PTPRC: variants seen among roughly 807,000 people sequenced by gnomAD.
PTPRC encodes protein tyrosine phosphatase receptor type C, also known as receptor-type tyrosine-protein phosphatase C.
A neutral mutation model predicts 155.9 loss-of-function variants in PTPRC; 44 were observed. That is an observed-to-expected ratio of 0.28 (90% confidence interval 0.22 to 0.36). PTPRC has a LOEUF of 0.36. Ranked by LOEUF, PTPRC falls within the 10% of genes least tolerant of loss-of-function variation. The pLI is 1.00. For synonymous variants in PTPRC, 525 were observed against 533.1 expected, an observed-to-expected ratio of 0.98 and a Z score of 0.21; for missense variants, 1,401 against 1,564.6, an observed-to-expected ratio of 0.90 and a Z score of 1.76.
chr1:198,754,461 C>T (rs1026456901), intron 32 of PTPRC, 57 bp downstream of exon 32: 15 of 1,587,760 alleles, frequency 9.4e-6, no homozygotes, highest in Admixed American at 3.4e-5. Context: ...TTCTTTTTGA[C>T]GGTTTCCTTT....
At chr1:198,648,031 A>T (rs896702531) in intron 2 of PTPRC, among the ~76,000 whole-genome samples, 3 of 151,906 alleles carry the variant, frequency 2.0e-5, no homozygotes, top group Admixed American at 6.6e-5. Context: ...ATCTATATAT[A>T]ACATATTAAG....
At chr1:198,639,432 G>T in intron 2 of PTPRC, 91 bp downstream of exon 2, 1 of 1,020,036 alleles carries the variant, frequency 9.8e-7, no homozygotes, top group Non-Finnish European at 1.5e-6. Flanking sequence ...AAATGTGTTG[G>T]TAACTGGAAG....
chr1:198,676,169 T>C (rs1481353409), intron 2 of PTPRC, among the ~76,000 whole-genome samples: 7 of 152,246 alleles, frequency 4.6e-5, no homozygotes, highest in Non-Finnish European at 1.0e-4. Context: ...ATTAATGCGC[T>C]GTATGAATGC....
At chr1:198,685,954 CT>C (rs143457304) in intron 2 of PTPRC, among the ~76,000 whole-genome samples, 28 of 145,346 alleles carry the variant, frequency 1.9e-4, no homozygotes, top group Non-Finnish European at 1.8e-4. Flanking sequence ...ATTTTTTTTT[CT>C]TTTTTTTTTA....
chr1:198,655,953 A>T (rs1461848510), intron 2 of PTPRC, among the ~76,000 whole-genome samples: 1 of 152,090 alleles, frequency 6.6e-6, no homozygotes, highest in African/African-American at 2.4e-5. Flanking sequence ...AAACTACTGG[A>T]TGCTTCATCA....
At chr1:198,709,572 A>T (rs1029520387) in intron 10 of PTPRC, 115 bp from the exon 11 acceptor site, 1 of 919,252 alleles carries the variant, frequency 1.1e-6, no homozygotes, top group African/African-American at 1.7e-5. Flanking sequence ...TAATTTCCAC[A>T]GATGTTTCAA....
chr1:198,701,004 G>T (rs1428260508), intron 5 of PTPRC, among the ~76,000 whole-genome samples: 1 of 152,110 alleles, frequency 6.6e-6, no homozygotes, highest in Non-Finnish European at 1.5e-5. Flanking sequence ...GTGGAAAAAA[G>T]CTGATTTCAA....
chr1:198,755,974 A>AAAC lies in PTPRC; in HGVS notation c.3718_3720dup (p.Asn1240dup). 6.2e-7 allele frequency: 1 copy of AAAC among 1,613,258 alleles called. No homozygotes were observed. The highest frequency in any genetic ancestry group is 8.5e-7 in the Non-Finnish European group (1 of 1,179,498). On this transcript the variant is annotated inframe_insertion, in exon 33 of 33. Transcript: ENST00000442510. ...CTGCTCAGAATGGACAAGTAAAGAAAAACAACCATCAAGAAGATAAAATTG... is the reference window on the plus strand; with the variant it reads ...CTGCTCAGAATGGACAAGTAAAGAAAAACAACAACCATCAAGAAGATAAAATTG...
chr1:198,683,500 C>G (rs2102338897), intron 2 of PTPRC, among the ~76,000 whole-genome samples: 1 of 151,970 alleles, frequency 6.6e-6, no homozygotes, highest in Middle Eastern at 3.4e-3. Context: ...TCATAAGAAG[C>G]AAAAAGATAA....
intron 2 of PTPRC, among the ~76,000 whole-genome samples, chr1:198,681,454 A>G (rs115619670): frequency 7.9e-5 from 12 of 152,310 alleles, no homozygotes; most frequent in Non-Finnish European, 1.6e-4. Context: ...AAAGGGTGCA[A>G]TGTGATGTTT....
At chr1:198,754,456 T>C in intron 32 of PTPRC, 52 bp downstream of exon 32, 45 of 1,597,946 alleles carry the variant, frequency 2.8e-5, no homozygotes, top group Non-Finnish European at 3.7e-5. Flanking sequence ...TTTTTTTCTT[T>C]TTGACGGTTT....
intron 17 of PTPRC, among the ~76,000 whole-genome samples, chr1:198,730,786 A>G (rs1447820656): frequency 6.6e-6 from 1 of 152,152 alleles, no homozygotes; most frequent in Non-Finnish European, 1.5e-5. Flanking sequence ...ACAATTGCAC[A>G]TAGCCAGTTT....
chr1:198,660,030 C>CATATATATATATAT (rs34796231), intron 2 of PTPRC, among the ~76,000 whole-genome samples: 13 of 115,916 alleles, frequency 1.1e-4, no homozygotes, highest in African/African-American at 1.7e-4. Flanking sequence ...TATATATGTC[C>CATATATATATATAT]ATATATATAT....
chr1:198,702,601 G>C (rs543801908), intron 6 of PTPRC, 71 bp downstream of exon 6: 13 of 1,573,172 alleles, frequency 8.3e-6, no homozygotes, highest in Non-Finnish European at 1.1e-5. Flanking sequence ...CTTTAATGTA[G>C]CTCTTTTATT....
chr1:198,716,578 T>C (rs1243293417), intron 12 of PTPRC, 104 bp from the exon 13 acceptor site: 3 of 978,502 alleles, frequency 3.1e-6, no homozygotes, highest in Non-Finnish European at 4.8e-6. Flanking sequence ...ACTCAATAGT[T>C]TGGAGTTCAC....
At chr1:198,734,062 C>T (rs530339042) in intron 20 of PTPRC, 134 bp from the exon 21 acceptor site, 1 of 844,722 alleles carries the variant, frequency 1.2e-6, no homozygotes, top group African/African-American at 1.7e-5. Flanking sequence ...TCCCTTAATA[C>T]TTTGAAACTG....
In PTPRC at chr1:198,728,559, A is replaced by C. The variant is rs1448316058; in HGVS notation, c.1829+111A>C. 26 of 1,339,030 alleles carry C rather than the reference A, an allele frequency of 1.9e-5. No individual in the cohort carries two copies. In the East Asian group the frequency reaches 6.7e-4, roughly 34 times the overall value. 82.9% of individuals were successfully genotyped at this position (1,339,030 alleles called of 1,614,324 possible). A position where few individuals can be genotyped will look rare whatever the true frequency, so the allele number is the denominator to read the frequency against. Reference sequence around the variant, plus strand: ...AAATGAAATATGTGAACTAGAGAGAAGACAGCATACAGCCCACTTCATGAC... The same window carrying C: ...AAATGAAATATGTGAACTAGAGAGACGACAGCATACAGCCCACTTCATGAC... On this transcript the variant is annotated intron_variant, in intron 16 of 32. Coordinates refer to ENST00000442510, the MANE Select transcript of PTPRC (RefSeq NM_002838.5).
intron 2 of PTPRC, among the ~76,000 whole-genome samples, chr1:198,672,923 G>C (rs1168815462): frequency 6.6e-6 from 1 of 152,148 alleles, no homozygotes; most frequent in Non-Finnish European, 1.5e-5. Flanking sequence ...CCTGTCACCT[G>C]AGGATATTGT....
intron 23 of PTPRC, 69 bp from the exon 24 acceptor site, chr1:198,741,800 T>A: frequency 6.8e-7 from 1 of 1,481,242 alleles, no homozygotes; most frequent in Non-Finnish European, 9.3e-7. Flanking sequence ...GGTACTCCCT[T>A]CCACTTATTT....
Sources: allele counts gnomAD v4.1 joint callset (sites outside exome capture counted in the v4.1 genomes callset), GRCh38; gene constraint gnomAD v4.1.1; transcripts MANE v1.5; gene names NCBI Gene and HGNC (gene_info 2026-07-23, HGNC 2026-07-21).